Variants in STK32C observed in about 807,000 individuals in gnomAD.
The protein encoded by STK32C is serine/threonine-protein kinase 32C.
A neutral mutation model predicts 56.5 loss-of-function variants in STK32C; 31 were observed. The observed-to-expected ratio is 0.55, with a 90% CI of 0.41 to 0.74. The LOEUF (loss-of-function observed/expected upper bound fraction) is 0.74, where lower values mean the gene tolerates loss of function less well. STK32C is among the 30% of genes least tolerant of loss of function. The pLI is 0.00. For missense variants in STK32C, 544 were observed against 676.9 expected, an observed-to-expected ratio of 0.80 and a Z score of 2.18; for synonymous variants, 309 against 289.4, an observed-to-expected ratio of 1.07 and a Z score of -0.69.
intron 2 of STK32C, among the ~76,000 whole-genome samples, chr10:132,239,881 G>A (rs2063439977): frequency 6.6e-6 from 1 of 152,220 alleles, no homozygotes; most frequent in Admixed American, 6.5e-5. Flanking sequence ...TGGACAGTGA[G>A]GACAGGGACG....
intron 1 of STK32C, among the ~76,000 whole-genome samples, chr10:132,256,567 G>A (rs868111181): frequency 6.6e-6 from 1 of 152,188 alleles, no homozygotes; most frequent in Non-Finnish European, 1.5e-5. Context: ...GCCTGAGACC[G>A]CAGGAGTCGC....
intron 1 of STK32C, among the ~76,000 whole-genome samples, chr10:132,292,835 C>T (rs1397813772): frequency 6.6e-6 from 1 of 152,088 alleles, no homozygotes; most frequent in Non-Finnish European, 1.5e-5. Flanking sequence ...GATTGCCAAC[C>T]TCTCACCCTC....
rs1460377576 is a variant in STK32C, at chr10:132,282,924, C to T, written c.262+24648G>A. Among the ~76,000 whole-genome samples the T allele has an allele frequency of 2.6e-5, 4 of 152,252 alleles. No individual in the cohort carries two copies. The South Asian group carries it at 8.3e-4, about 32-fold the overall frequency. On this transcript the variant is annotated intron_variant, in intron 1 of 11. Coordinates refer to ENST00000298630, the MANE Select transcript of STK32C (RefSeq NM_173575.4). ...AGGCGGTGGGGGGTGTTGTCATTTCCTGTCACAGCCCCTCTGAGGCTGGGG... is the reference window on the plus strand; with the variant it reads ...AGGCGGTGGGGGGTGTTGTCATTTCTTGTCACAGCCCCTCTGAGGCTGGGG...
At chr10:132,242,497 G>GC (rs1565099893) in intron 2 of STK32C, among the ~76,000 whole-genome samples, 2 of 151,996 alleles carry the variant, frequency 1.3e-5, no homozygotes, top group South Asian at 4.1e-4. Context: ...TGCCAGCACA[G>GC]CCCCCCTGCA....
chr10:132,319,183 AG>A (rs2066360317), downstream of STK32C, among the ~76,000 whole-genome samples: 1 of 152,218 alleles, frequency 6.6e-6, no homozygotes, highest in African/African-American at 2.4e-5. Context: ...TCCTGACTTC[AG>A]GTGATCCGCC....
chr10:132,225,156 C>T, intron 7 of STK32C, 77 bp downstream of exon 7: 1 of 1,246,610 alleles, frequency 8.0e-7, no homozygotes, highest in South Asian at 1.5e-5. Context: ...CTGGGGCAGC[C>T]ACCCCCTCCC....
At position 132,294,184 on chromosome 10, in the gene STK32C, G is replaced by A. The variant is rs534639620; in HGVS notation, c.262+13388C>T. On this transcript the variant is annotated intron_variant, in intron 1 of 11. Transcript: ENST00000298630. ...GAGATCACCAGCGTGTGGGTGGAGCGGGAGGTGAAAGAGCCCCAGCACGGC... is the reference window on the plus strand; with the variant it reads ...GAGATCACCAGCGTGTGGGTGGAGCAGGAGGTGAAAGAGCCCCAGCACGGC... 1.5e-3 allele frequency among the ~76,000 whole-genome samples: 221 copies of A among 152,208 alleles called. 1 individual carries two copies. The highest frequency in any genetic ancestry group is 5.4e-3 in the South Asian group (26 of 4,822).
intron 10 of STK32C, 42 bp downstream of exon 10, chr10:132,222,599 G>GC: frequency 6.2e-7 from 1 of 1,602,246 alleles, no homozygotes; most frequent in East Asian, 2.2e-5. Context: ...GGAGCCCCAA[G>GC]CCCAGCCCGC....
intron 10 of STK32C, among the ~76,000 whole-genome samples, chr10:132,210,203 G>A (rs2062247894): frequency 6.6e-6 from 1 of 152,042 alleles, no homozygotes; most frequent in Non-Finnish European, 1.5e-5. Flanking sequence ...CAGGGCTAAG[G>A]GGACTCTTCC....
At chr10:132,217,493 G>T (rs778981776) in intron 10 of STK32C, among the ~76,000 whole-genome samples, 11 of 152,208 alleles carry the variant, frequency 7.2e-5, no homozygotes, top group Non-Finnish European at 1.5e-4. Flanking sequence ...GACTATGGGG[G>T]ACTGTTGGGA....
chr10:132,229,491 G>A (rs997243187), intron 2 of STK32C, among the ~76,000 whole-genome samples: 3 of 152,196 alleles, frequency 2.0e-5, no homozygotes, highest in Non-Finnish European at 4.4e-5. Context: ...GCGAGACCCT[G>A]TCTCTAAAAA....
At chr10:132,331,634 C>G (rs7080014) in exon 1 of STK32C, 601,917 of 1,612,116 alleles carry the variant, frequency 0.37, 114,417 homozygotes, top group Non-Finnish European at 0.39. Context: ...CAGCGAGGAC[C>G]GCTCCAAAGG....
In STK32C at chr10:132,307,827, T is replaced by A. The variant is rs2066126412; in HGVS notation, c.7A>T (p.Ser3Cys). The A allele has an allele frequency of 8.1e-6, 9 of 1,116,352 alleles. No homozygotes were observed. The highest frequency in any genetic ancestry group is 9.9e-6 in the Non-Finnish European group (9 of 908,962). The allele number at this position is 1,116,352 out of a possible 1,614,324, so 69.2% of individuals were successfully genotyped here. The change falls in exon 1 of 12, where the codon AGT becomes TGT. Residue 3 changes from serine to cysteine, a missense_variant. Physicochemically the swap from Ser to Cys is moderately radical, Grantham distance 112. Transcript: ENST00000298630. This position sits in a 1 kb window ranked among gnomAD's most constrained non-coding sequence, Gnocchi z 4.4. The stretch of plus-strand genomic sequence containing the variant: ...CTGCTGCCCCTGCGCTCGGCGCCAC[T>A]CCTCATCGCCGGGTCTGGGTGCGCG... MRSGAERRGSSAA... is the reference protein window; with the variant it reads MRCGAERRGSSAA...
At chr10:132,278,068 A>T (rs1312256438) in intron 1 of STK32C, among the ~76,000 whole-genome samples, 1 of 150,870 alleles carries the variant, frequency 6.6e-6, no homozygotes, top group African/African-American at 2.4e-5. Flanking sequence ...TTAGGAATAG[A>T]CTCCTTACCA....
upstream of STK32C, among the ~76,000 whole-genome samples, chr10:132,310,753 G>T (rs1205790844): frequency 1.3e-5 from 2 of 152,232 alleles, no homozygotes; most frequent in Non-Finnish European, 2.9e-5. This position sits in a 1 kb window ranked among gnomAD's most constrained non-coding sequence, Gnocchi z 4.6. Flanking sequence ...CGTCTAGCAC[G>T]CAGGAGCACA....
At chr10:132,258,795 C>A (rs1229860514) in intron 1 of STK32C, among the ~76,000 whole-genome samples, 1 of 152,236 alleles carries the variant, frequency 6.6e-6, no homozygotes, top group African/African-American at 2.4e-5. Flanking sequence ...ACCTCAGGGC[C>A]GGATGAGGAT....
At chr10:132,228,726 C>T (rs1169253909) in intron 2 of STK32C, among the ~76,000 whole-genome samples, 2 of 152,236 alleles carry the variant, frequency 1.3e-5, no homozygotes, top group African/African-American at 4.8e-5. Context: ...GAGCACAGAG[C>T]CCTGCGCTCA....
chr10:132,208,063 G>A lies in STK32C; in HGVS notation c.1408C>T (p.Arg470Cys), dbSNP rs150173317. 3.5e-5 allele frequency: 46 copies of A among 1,310,552 alleles called. No individual in the cohort carries two copies. The highest frequency in any genetic ancestry group is 3.5e-4 in the South Asian group (11 of 31,456). The allele number at this position is 1,310,552 out of a possible 1,614,324, so 81.2% of individuals were successfully genotyped here. A position where few individuals can be genotyped will look rare whatever the true frequency, so the allele number is the denominator to read the frequency against. ...AAEPVEDEAERSALPMCGPIC... is the reference protein window; with the variant it reads ...AAEPVEDEAECSALPMCGPIC... ...GGGCCGCACATGGGCAGGGCGGAGC[G>A]TTCCGCCTCGTCCTCCACAGGCTCC... Residue 470 changes from arginine (R) to cysteine (C), a missense_variant, in exon 12 of 12, where the codon CGC becomes TGC. This residue lies in a region of STK32C where 277 missense variants were observed against 309.3 expected (regional missense o/e 0.90). Coordinates refer to ENST00000298630, the MANE Select transcript of STK32C (RefSeq NM_173575.4).
chr10:132,325,721 T>A (rs952082885), intron 1 of STK32C, among the ~76,000 whole-genome samples: 1 of 141,086 alleles, frequency 7.1e-6, no homozygotes, highest in Non-Finnish European at 1.6e-5. Context: ...GTCTTTGGTA[T>A]GTCTTTTTTT....
Sources: allele counts gnomAD v4.1 joint callset (sites outside exome capture counted in the v4.1 genomes callset), GRCh38; gene constraint gnomAD v4.1.1; regional missense constraint gnomAD v4.1.1; non-coding constraint Gnocchi (gnomAD v3.1); transcripts MANE v1.5; gene names NCBI Gene and HGNC (gene_info 2026-07-23, HGNC 2026-07-21).